RAD51B: variants seen among roughly 807,000 people sequenced by gnomAD.
RAD51B encodes the protein DNA repair protein RAD51 homolog 2.
In RAD51B, 38 loss-of-function variants were observed where a neutral mutation model predicts 42.2. The observed-to-expected ratio is 0.90, with a 90% CI of 0.70 to 1.18. The LOEUF (loss-of-function observed/expected upper bound fraction) is 1.18. RAD51B is among the 50% of genes most tolerant of loss of function. The probability of loss-of-function intolerance (pLI) is 0.00; values close to 1 mark genes in which losing one functional copy is unlikely to be tolerated. For missense variants in RAD51B, 373 were observed against 400.7 expected (o/e 0.93, Z 0.59); for synonymous variants, 154 against 145.2 (o/e 1.06, Z -0.43).
chr14:68,068,565 T>C (rs2076691370), intron 7 of RAD51B, among the ~76,000 whole-genome samples: 2 of 152,362 alleles, frequency 1.3e-5, no homozygotes, highest in South Asian at 4.1e-4. Flanking sequence ...TTATGAATAA[T>C]GCTGCTCTGG....
intron 9 of RAD51B, among the ~76,000 whole-genome samples, chr14:68,461,568 T>G (rs980250906): frequency 9.9e-5 from 15 of 152,132 alleles, no homozygotes; most frequent in African/African-American, 2.9e-4. Flanking sequence ...GTCCATTGGT[T>G]GTTGTTGTTC....
chr14:67,959,259 T>G (rs903935647), intron 7 of RAD51B, among the ~76,000 whole-genome samples: 1 of 152,196 alleles, frequency 6.6e-6, no homozygotes, highest in African/African-American at 2.4e-5. Flanking sequence ...ATATTTTTTT[T>G]TTTTTGAGAC....
At chr14:68,587,712 C>T (rs1311554891) in intron 10 of RAD51B, among the ~76,000 whole-genome samples, 1 of 152,078 alleles carries the variant, frequency 6.6e-6, no homozygotes, top group South Asian at 2.1e-4. Flanking sequence ...AGCAGGCCTC[C>T]GCCAGCCTTT....
In RAD51B at chr14:68,136,603, A is replaced by T. The variant is rs2078018683; in HGVS notation, c.757-155281A>T. On this transcript the variant is annotated intron_variant, in intron 7 of 10. Transcript: ENST00000471583. The stretch of plus-strand genomic sequence containing the variant: ...AAAAAAAAAAAAAAAAAAAAAAAAG[A>T]AGTAGACCAGCCATACTTTTAAAAG... Among the ~76,000 whole-genome samples the T allele has an allele frequency of 3.2e-5, 2 of 62,198 alleles. 1 individual carries two copies. Among genetic ancestry groups the T allele is most frequent in the South Asian group, 1.6e-3 (2 of 1,248 alleles). The allele number at this position is 62,198 out of a possible 152,430, so 40.8% of individuals were successfully genotyped here. A position where few individuals can be genotyped will look rare whatever the true frequency, so the allele number is the denominator to read the frequency against.
At chr14:68,619,710 A>G (rs377179918) in intron 10 of RAD51B, among the ~76,000 whole-genome samples, 1 of 152,302 alleles carries the variant, frequency 6.6e-6, no homozygotes, top group East Asian at 1.9e-4. Context: ...CAACGAACAT[A>G]TAACCTCTCA....
At chr14:68,372,919 G>T (rs2083291504) in intron 8 of RAD51B, among the ~76,000 whole-genome samples, 1 of 152,214 alleles carries the variant, frequency 6.6e-6, no homozygotes, top group Admixed American at 6.5e-5. Flanking sequence ...TGGATCTGTA[G>T]TACATGCATA....
chr14:68,648,008 TATATATATATATAC>T (rs1176748936), intron 10 of RAD51B, among the ~76,000 whole-genome samples: 4 of 98,536 alleles, frequency 4.1e-5, no homozygotes, highest in Non-Finnish European at 8.2e-5. Flanking sequence ...ATTGAGCATA[TATATATATATATAC>T]GTATATATAT....
At chr14:68,515,164 C>T (rs1456389777) in intron 10 of RAD51B, among the ~76,000 whole-genome samples, 1 of 152,090 alleles carries the variant, frequency 6.6e-6, no homozygotes, top group African/African-American at 2.4e-5. Flanking sequence ...ACTAACCTTT[C>T]CTTTAGTTTA....
chr14:68,074,547 G>T (rs538151730), intron 7 of RAD51B, among the ~76,000 whole-genome samples: 2 of 152,156 alleles, frequency 1.3e-5, no homozygotes, highest in Non-Finnish European at 2.9e-5. Flanking sequence ...CTTCCTTCTG[G>T]TTAGGAACCA....
chr14:68,242,507 C>G (rs2080411449), intron 7 of RAD51B, among the ~76,000 whole-genome samples: 1 of 152,170 alleles, frequency 6.6e-6, no homozygotes, highest in African/African-American at 2.4e-5. Flanking sequence ...ACCTTTTCAT[C>G]TCCTCATTTT....
At chr14:68,467,856 G>T (rs934296188) in intron 9 of RAD51B, among the ~76,000 whole-genome samples, 1 of 152,270 alleles carries the variant, frequency 6.6e-6, no homozygotes, top group East Asian at 1.9e-4. Flanking sequence ...ATCAAGCTAG[G>T]TTTATTTTTG....
At chr14:68,397,893 A>G (rs2083971122) in intron 8 of RAD51B, among the ~76,000 whole-genome samples, 1 of 152,210 alleles carries the variant, frequency 6.6e-6, no homozygotes, top group South Asian at 2.1e-4. Flanking sequence ...TCAACATTTT[A>G]CTTCTTCCCC....
At chr14:68,540,803 G>T (rs983267047) in intron 10 of RAD51B, 1 of 985,320 alleles carries the variant, frequency 1.0e-6, no homozygotes, top group African/African-American at 1.7e-5. Flanking sequence ...TCAACAAAGA[G>T]CAAAGAATGG....
chr14:68,484,616 C>T (rs1455383923), intron 10 of RAD51B, among the ~76,000 whole-genome samples: 1 of 152,146 alleles, frequency 6.6e-6, no homozygotes, highest in Non-Finnish European at 1.5e-5. Flanking sequence ...CTCGGCCTCC[C>T]AAAGTGCTGG....
intron 10 of RAD51B, among the ~76,000 whole-genome samples, chr14:68,648,737 T>C (rs1278949028): frequency 2.0e-5 from 3 of 149,110 alleles, no homozygotes; most frequent in African/African-American, 7.4e-5. Context: ...GTTATTCAAC[T>C]TTGCCTGACT....
chr14:67,969,040 A>C (rs988918925), intron 7 of RAD51B, among the ~76,000 whole-genome samples: 1 of 152,140 alleles, frequency 6.6e-6, no homozygotes, highest in African/African-American at 2.4e-5. Context: ...GAGGATGCAA[A>C]AGTGGAAGCC....
At chr14:68,592,252 G>GAT (rs1219175013) in intron 10 of RAD51B, among the ~76,000 whole-genome samples, 5 of 121,452 alleles carry the variant, frequency 4.1e-5, no homozygotes, top group African/African-American at 2.4e-4. Context: ...GGTAGGCAAT[G>GAT]ATGTGTGTGT....
At chr14:68,322,072 A>T (rs1433792549) in intron 8 of RAD51B, among the ~76,000 whole-genome samples, 1 of 152,158 alleles carries the variant, frequency 6.6e-6, no homozygotes. Flanking sequence ...TGCGCCCAAC[A>T]CAATGACTTA....
At chr14:68,072,528 A>G (rs532615789) in intron 7 of RAD51B, among the ~76,000 whole-genome samples, 2 of 152,250 alleles carry the variant, frequency 1.3e-5, no homozygotes, top group Admixed American at 1.3e-4. Context: ...AATGGTGCCC[A>G]TGCGATTAAG....
Sources: gnomAD v4.1 joint callset for allele counts (sites outside exome capture counted in the v4.1 genomes callset) on GRCh38, gnomAD v4.1.1 for gene constraint, MANE v1.5 for transcripts, NCBI Gene and HGNC (gene_info 2026-07-23, HGNC 2026-07-21) for gene names.